THRB: variants seen among roughly 807,000 people sequenced by gnomAD.
The protein encoded by THRB is thyroid hormone receptor beta, also known as nuclear receptor subfamily 1 group A member 2.
In THRB, 12 loss-of-function variants were observed where a neutral mutation model predicts 47.8. The observed-to-expected ratio is 0.25, with a 90% confidence interval of 0.16 to 0.41. The LOEUF is 0.41. Ranked by LOEUF, THRB falls within the 10% of genes least tolerant of loss-of-function variation. The pLI is 1.00. For missense variants in THRB, 348 were observed against 589.2 expected (o/e 0.59, Z 4.24); for synonymous variants, 218 against 212.2 (o/e 1.03, Z -0.24).
Position 24,123,101 on chromosome 3 carries a change from T to C in THRB, c.1169A>G (p.Glu390Gly). ...SSDRPGLACV[E>G]RIEKYQDSFL... is the part of the protein sequence containing the mutation. ...ACTATCTTGGTACTTTTCTATTCTC[T>C]CAACACAGGCAAGCCCCGGGCGATC... The change falls in exon 11 of 11, where the codon GAG becomes GGG. Residue 390 changes from glutamate to glycine, a missense_variant. Transcript: ENST00000646209. 1 of 1,614,136 alleles carries C rather than the reference T, an allele frequency of 6.2e-7. No individual in the cohort carries two copies. Among genetic ancestry groups the C allele is most frequent in the Non-Finnish European group, 8.5e-7 (1 of 1,180,022 alleles).
intron 3 of THRB, among the ~76,000 whole-genome samples, chr3:24,249,538 GC>G (rs2050444945): frequency 6.6e-6 from 1 of 152,148 alleles, no homozygotes; most frequent in African/African-American, 2.4e-5. Flanking sequence ...GGCAAGGGCT[GC>G]TTACCTCTAA....
chr3:24,231,524 CTA>C (rs1416164256), intron 3 of THRB, among the ~76,000 whole-genome samples: 7 of 152,002 alleles, frequency 4.6e-5, no homozygotes, highest in Non-Finnish European at 8.8e-5. Flanking sequence ...GTTACTGTTA[CTA>C]TATAACAGAT....
At chr3:24,128,658 T>G (rs553064319) in intron 9 of THRB, among the ~76,000 whole-genome samples, 1 of 151,950 alleles carries the variant, frequency 6.6e-6, no homozygotes, top group African/African-American at 2.4e-5. Context: ...CAGATTTCCA[T>G]GCATCACCTC....
At chr3:24,175,500 A>C (rs2041021107) in intron 5 of THRB, among the ~76,000 whole-genome samples, 1 of 152,246 alleles carries the variant, frequency 6.6e-6, no homozygotes, top group African/African-American at 2.4e-5. Flanking sequence ...AAAAATGCAC[A>C]TATACAAAAG....
rs1220016343 is a variant in THRB at position 24,200,932 on chromosome 3, T to C, written c.23-10598A>G. Among the ~76,000 whole-genome samples, 12 of 152,276 alleles carry C rather than the reference T, an allele frequency of 7.9e-5. No homozygotes were observed. The South Asian group carries it at 2.3e-3, about 29-fold the overall frequency. ...AAAACATATTTTATGAAATGGGCCTTAGTGGTATGACTTAAGTACCTGCAG... is the reference window on the plus strand; with the variant it reads ...AAAACATATTTTATGAAATGGGCCTCAGTGGTATGACTTAAGTACCTGCAG... On this transcript the variant is annotated intron_variant, in intron 4 of 10. Transcript: ENST00000646209.
chr3:24,391,715 C>CTAAA (rs1266134765), intron 1 of THRB, among the ~76,000 whole-genome samples: 1 of 152,122 alleles, frequency 6.6e-6, no homozygotes, highest in Non-Finnish European at 1.5e-5. Context: ...GTCCGTCCTC[C>CTAAA]ATTTTCAAAA....
At chr3:24,222,939 A>AAATTGC (rs1164684688) in intron 4 of THRB, among the ~76,000 whole-genome samples, 1 of 152,160 alleles carries the variant, frequency 6.6e-6, no homozygotes, top group Non-Finnish European at 1.5e-5. Context: ...AATTCAGGAG[A>AAATTGC]AATTGCAATA....
chr3:24,247,161 T>G (rs576621336), intron 3 of THRB, among the ~76,000 whole-genome samples: 1 of 152,150 alleles, frequency 6.6e-6, no homozygotes, highest in Non-Finnish European at 1.5e-5. Context: ...TTCAATGAAA[T>G]TGAGTACAGA....
intron 8 of THRB, among the ~76,000 whole-genome samples, chr3:24,142,734 A>T (rs1399216238): frequency 1.3e-5 from 2 of 152,182 alleles, no homozygotes; most frequent in African/African-American, 4.8e-5. Flanking sequence ...GAACCAGAAG[A>T]CCGAGTTGGT....
At chr3:24,297,913 G>C (rs751776744) in intron 2 of THRB, among the ~76,000 whole-genome samples, 10 of 152,094 alleles carry the variant, frequency 6.6e-5, no homozygotes, top group Non-Finnish European at 1.5e-4. Context: ...CAGAGCAGTG[G>C]CTCCTAACTT....
chr3:24,481,437 T>C (rs1321551788), intron 1 of THRB, among the ~76,000 whole-genome samples: 2 of 151,980 alleles, frequency 1.3e-5, no homozygotes, highest in Non-Finnish European at 2.9e-5. Context: ...GGTCAAAACA[T>C]CAGGAAAGTA....
intron 3 of THRB, among the ~76,000 whole-genome samples, chr3:24,289,503 C>T (rs1182482771): frequency 2.6e-5 from 4 of 152,150 alleles, no homozygotes; most frequent in African/African-American, 4.8e-5. Context: ...CATCCACTTA[C>T]CCATCTACCT....
intron 3 of THRB, among the ~76,000 whole-genome samples, chr3:24,280,326 G>C (rs1047112533): frequency 6.6e-6 from 1 of 152,210 alleles, no homozygotes; most frequent in Non-Finnish European, 1.5e-5. Flanking sequence ...AGCAGGGACA[G>C]ACTGACACCT....
chr3:24,203,886 C>T (rs145959057), intron 4 of THRB, among the ~76,000 whole-genome samples: 3,526 of 152,354 alleles, frequency 0.023, 60 homozygotes, highest in South Asian at 0.059. Flanking sequence ...GAGGGTCCCA[C>T]GCCCACGGAG....
chr3:24,216,961 G>T (rs7622171), intron 4 of THRB, among the ~76,000 whole-genome samples: 12,148 of 151,710 alleles, frequency 0.08, 1,458 homozygotes, highest in African/African-American at 0.26. Flanking sequence ...CTTTTTTGAT[G>T]AAAGGTAATG....
chr3:24,281,755 G>T (rs1235789025), intron 3 of THRB, among the ~76,000 whole-genome samples: 1 of 142,922 alleles, frequency 7.0e-6, no homozygotes, highest in Non-Finnish European at 1.5e-5. Context: ...CCAAGCAAAT[G>T]GAAAACAAAA....
intron 3 of THRB, among the ~76,000 whole-genome samples, chr3:24,238,318 G>A (rs1408358911): frequency 1.4e-5 from 2 of 142,418 alleles, no homozygotes; most frequent in African/African-American, 2.6e-5. Context: ...TGTGATGAAC[G>A]GATTGGAAAC....
chr3:24,419,704 A>G (rs573100306), intron 1 of THRB, among the ~76,000 whole-genome samples: 1 of 152,098 alleles, frequency 6.6e-6, no homozygotes, highest in Non-Finnish European at 1.5e-5. Context: ...TAATTCTGAA[A>G]TAACTTGGTC....
intron 4 of THRB, among the ~76,000 whole-genome samples, chr3:24,224,956 C>G (rs1463495694): frequency 6.6e-6 from 1 of 152,096 alleles, no homozygotes; most frequent in Admixed American, 6.6e-5. Flanking sequence ...CTAAATTGCC[C>G]TATGCTGTTG....
Sources: gnomAD v4.1 joint callset for allele counts (sites outside exome capture counted in the v4.1 genomes callset) on GRCh38, gnomAD v4.1.1 for gene constraint, MANE v1.5 for transcripts, NCBI Gene and HGNC (gene_info 2026-07-23, HGNC 2026-07-21) for gene names.